Variants in ABCB9 observed in about 807,000 individuals in gnomAD.
ABCB9 encodes the protein ABC-type oligopeptide transporter ABCB9.
ABCB9 carries 36 observed loss-of-function variants against 62.0 expected under a neutral mutation model. The observed-to-expected ratio is 0.58, with a 90% CI of 0.45 to 0.77. ABCB9 has a LOEUF of 0.77. ABCB9 is among the 30% of genes least tolerant of loss of function. The probability of loss-of-function intolerance (pLI) is 0.00; values close to 1 mark genes in which losing one functional copy is unlikely to be tolerated. For missense variants in ABCB9, 943 were observed against 1,054.7 expected, an observed-to-expected ratio of 0.89 and a Z score of 1.47; for synonymous variants, 435 against 461.4, an observed-to-expected ratio of 0.94 and a Z score of 0.73.
In ABCB9 at chr12:122,960,301, C is replaced by A; in HGVS notation, c.-66G>T. On this transcript the variant is annotated 5_prime_UTR_variant, in exon 2 of 12. The change abolishes an upstream ATG in the 5' untranslated region. Transcript: ENST00000280560. ...TAGCTCACGGGGGCAAGGCCATCAT[C>A]ATCCACAGGGCGAGGCCAGGCCTGT... 6.4e-7 allele frequency: 1 copy of A among 1,557,414 alleles called. No individual in the cohort carries two copies. Among genetic ancestry groups the A allele is most frequent in the Non-Finnish European group, 8.7e-7 (1 of 1,150,524 alleles).
At chr12:122,923,341 G>A (rs1023321797) in intron 11 of ABCB9, among the ~76,000 whole-genome samples, 2 of 152,172 alleles carry the variant, frequency 1.3e-5, no homozygotes, top group African/African-American at 4.8e-5. Flanking sequence ...AGGCTGGAGT[G>A]CAGTGGCGCG....
intron 4 of ABCB9, 104 bp from the exon 5 acceptor site, chr12:122,948,933 T>A: frequency 4.7e-5 from 18 of 382,446 alleles, no homozygotes; most frequent in East Asian, 9.0e-5. Flanking sequence ...AAGCCGGGCC[T>A]CCCTACCTGT....
At chr12:122,928,928 G>T, downstream of ABCB9, 1 of 872,100 alleles carries the variant, frequency 1.1e-6, no homozygotes. Flanking sequence ...TGAGAGGAGA[G>T]CCGTGGTCTG....
At chr12:122,955,697 T>C (rs564272453) in intron 2 of ABCB9, among the ~76,000 whole-genome samples, 33 of 152,188 alleles carry the variant, frequency 2.2e-4, no homozygotes, top group African/African-American at 7.7e-4. Context: ...GCATAGTTTT[T>C]TGGGTTTTTG....
At position 122,946,236 on chromosome 12, in the gene ABCB9, G is replaced by A. The variant is rs2036041269; in HGVS notation, c.1054-14C>T. ...TTTGGAGAGCCTCTATGGACAGGAGGGGGACAAGAAGGAGAAGACCCCAAA... is the reference window on the plus strand; with the variant it reads ...TTTGGAGAGCCTCTATGGACAGGAGAGGGACAAGAAGGAGAAGACCCCAAA... On this transcript the variant is annotated splice_polypyrimidine_tract_variant and intron_variant, in intron 5 of 11. Coordinates refer to ENST00000280560, the MANE Select transcript of ABCB9 (RefSeq NM_019625.4). 6.2e-7 allele frequency: 1 copy of A among 1,613,822 alleles called. No homozygotes were observed. The highest frequency in any genetic ancestry group is 1.3e-5 in the African/African-American group (1 of 74,916).
At position 122,932,042 on chromosome 12, in the gene ABCB9, C is replaced by T; in HGVS notation, c.2040+150G>A. 7.1e-7 allele frequency: 1 copy of T among 1,406,350 alleles called. No homozygotes were observed. The highest frequency in any genetic ancestry group is 9.7e-7 in the Non-Finnish European group (1 of 1,035,684). 87.1% of individuals were successfully genotyped at this position (1,406,350 alleles called of 1,614,324 possible). ...AGAGTGGCTCCTGGCTCCCCACTCT[C>T]AACACCAGGAATTCACCAGCCCAGG... is the stretch of plus-strand genomic sequence containing the variant. On this transcript the variant is annotated intron_variant, in intron 11 of 11. Transcript: ENST00000280560. The surrounding 1 kb of genome is among the most constrained non-coding windows in gnomAD (Gnocchi z 4.7).
downstream of ABCB9, chr12:122,924,675 T>C: frequency 6.6e-7 from 1 of 1,515,452 alleles, no homozygotes; most frequent in South Asian, 1.2e-5. Flanking sequence ...GCGCCAGGAC[T>C]AAGCCAGCCC....
chr12:122,950,815 A>C (rs1351044303), intron 2 of ABCB9: 2 of 444,948 alleles, frequency 4.5e-6, no homozygotes, highest in Admixed American at 3.4e-5. Context: ...AGTGGCTACC[A>C]GGCATCGAGC....
chr12:122,953,111 C>T (rs2036443225), intron 2 of ABCB9: 1 of 152,380 alleles, frequency 6.6e-6, no homozygotes, highest in Non-Finnish European at 1.5e-5. Flanking sequence ...CTCACTCCCT[C>T]TGCTCCAGCT....
In ABCB9 at chr12:122,935,337, A is replaced by G. The variant is rs540720609; in HGVS notation, c.1838T>C (p.Val613Ala). The change falls in exon 10 of 12, where the codon GTG becomes GCG. Residue 613 changes from valine (V) to alanine (A), a missense_variant. Transcript: ENST00000280560. ...GLPTVPFEMV[V>A]EAAQKANAHG... Reference sequence around the variant, plus strand: ...GGCATTGGCCTTCTGTGCGGCCTCCACCACCATCTCGAAAGGCACAGTGGG... The same window carrying G: ...GGCATTGGCCTTCTGTGCGGCCTCCGCCACCATCTCGAAAGGCACAGTGGG... 5.0e-6 allele frequency: 8 copies of G among 1,613,994 alleles called. No individual in the cohort carries two copies. The East Asian group carries it at 1.6e-4, about 31-fold the overall frequency.
At chr12:122,972,639 T>C (rs2037290984) in intron 1 of ABCB9, among the ~76,000 whole-genome samples, 1 of 151,668 alleles carries the variant, frequency 6.6e-6, no homozygotes, top group Non-Finnish European at 1.5e-5. Context: ...GCCTCCCGAG[T>C]AGCTGGGATT....
Position 122,932,207 on chromosome 12 carries a change from G to A in ABCB9, c.2025C>T (p.Ala675=), listed in dbSNP as rs139408195. The change falls in exon 11 of 12, where the codon GCC becomes GCT. Residue 675 remains alanine (A), a synonymous_variant. Coordinates refer to ENST00000280560, the MANE Select transcript of ABCB9 (RefSeq NM_019625.4). The surrounding 1 kb of genome is among the most constrained non-coding windows in gnomAD (Gnocchi z 4.7). ...ILDEATSALD[A]ESEYLIQQAI... is the part of the protein sequence containing the mutation. Reference sequence around the variant, plus strand: ...TGTGACTCACCAGATACTCGCTCTCGGCATCCAAAGCGCTGGTGGCTTCAT... The same window carrying A: ...TGTGACTCACCAGATACTCGCTCTCAGCATCCAAAGCGCTGGTGGCTTCAT... The A allele has an allele frequency of 3.2e-6, 5 of 1,552,726 alleles. No homozygotes were observed. Among genetic ancestry groups the A allele is most frequent in the East Asian group, 4.9e-5 (2 of 41,014 alleles).
At chr12:122,939,023 T>A (rs926493592) in intron 9 of ABCB9, among the ~76,000 whole-genome samples, 1 of 151,516 alleles carries the variant, frequency 6.6e-6, no homozygotes, top group African/African-American at 2.4e-5. Context: ...AATACAAAAA[T>A]TAGTCAGGCA....
chr12:122,950,836 G>T, intron 2 of ABCB9: 1 of 390,124 alleles, frequency 2.6e-6, no homozygotes, highest in Non-Finnish European at 4.8e-6. Context: ...CAGGGCTCCT[G>T]CAGGATGCTT....
At chr12:122,937,736 G>A (rs752310229) in intron 9 of ABCB9, among the ~76,000 whole-genome samples, 2 of 152,138 alleles carry the variant, frequency 1.3e-5, no homozygotes, top group African/African-American at 2.4e-5. Flanking sequence ...CCACCATCTC[G>A]AACTTGGCTA....
downstream of ABCB9, chr12:122,920,936 CATAG>C: frequency 1.5e-6 from 2 of 1,336,608 alleles, no homozygotes; most frequent in Non-Finnish European, 2.1e-6. Context: ...ACATAAAGCG[CATAG>C]ACTCGTGTTT....
At chr12:122,921,558 C>T (rs991512024) in intron 11 of ABCB9, among the ~76,000 whole-genome samples, 5 of 152,192 alleles carry the variant, frequency 3.3e-5, no homozygotes, top group Non-Finnish European at 5.9e-5. Context: ...AGGTGGATCA[C>T]CTGATGTCAG....
At chr12:122,966,020 C>A (rs1181521474) in intron 1 of ABCB9, among the ~76,000 whole-genome samples, 4 of 152,250 alleles carry the variant, frequency 2.6e-5, no homozygotes, top group Non-Finnish European at 5.9e-5. Flanking sequence ...TCCAACACCT[C>A]CCACATTTTC....
chr12:122,951,123 T>A (rs1000826942), intron 2 of ABCB9: 1 of 151,718 alleles, frequency 6.6e-6, no homozygotes, highest in Non-Finnish European at 1.5e-5. Context: ...ACTGGGATTA[T>A]AGGTATGAGC....
Sources: gnomAD v4.1 joint callset for allele counts (sites outside exome capture counted in the v4.1 genomes callset) on GRCh38, gnomAD v4.1.1 for gene constraint, Gnocchi (gnomAD v3.1) non-coding constraint, MANE v1.5 for transcripts, NCBI Gene and HGNC (gene_info 2026-07-23, HGNC 2026-07-21) for gene names.